Variants in ARHGAP29 observed in about 807,000 individuals in gnomAD.
ARHGAP29 encodes the protein Rho GTPase activating protein 29.
ARHGAP29 carries 43 observed loss-of-function variants against 122.6 expected under a neutral mutation model. The observed-to-expected ratio is 0.35, with a 90% CI of 0.27 to 0.45. The LOEUF (loss-of-function observed/expected upper bound fraction) is 0.45, where lower values mean the gene tolerates loss of function less well. Ranked by LOEUF, ARHGAP29 falls within the 20% of genes least tolerant of loss-of-function variation. The pLI, the probability that ARHGAP29 is intolerant of heterozygous loss-of-function variation, is 1.00. For missense variants in ARHGAP29, 1,303 were observed against 1,477.2 expected, an observed-to-expected ratio of 0.88 and a Z score of 1.93; for synonymous variants, 506 against 497.1, an observed-to-expected ratio of 1.02 and a Z score of -0.24.
At chr1:94,199,089 C>T (rs764919490) in intron 12 of ARHGAP29, among the ~76,000 whole-genome samples, 17 of 151,764 alleles carry the variant, frequency 1.1e-4, no homozygotes, top group African/African-American at 2.2e-4. Context: ...CGGGGCCTGT[C>T]GGGGGGCTGG....
chr1:94,310,351 C>T, the ARHGAP29 span, among the ~76,000 whole-genome samples: 4 of 152,338 alleles, frequency 2.6e-5, no homozygotes, highest in Admixed American at 2.6e-4. Context: ...ATGGGCACTC[C>T]ATGCCTACCC....
chr1:94,276,980 G>A (rs947697746), upstream of ARHGAP29, among the ~76,000 whole-genome samples: 11 of 152,046 alleles, frequency 7.2e-5, no homozygotes, highest in East Asian at 3.9e-4. Context: ...AAGCGTCTTC[G>A]TGCTATCCAG....
Position 94,231,523 on chromosome 1 carries a change from C to A in ARHGAP29, c.89G>T (p.Gly30Val). 3 of 1,613,700 alleles carry A rather than the reference C, an allele frequency of 1.9e-6. No individual in the cohort carries two copies. Among genetic ancestry groups the A allele is most frequent in the African/African-American group, 1.3e-5 (1 of 75,008 alleles). ...LSTDITTSEM[G>V]LKSLSSNSIF... is the part of the protein sequence containing the mutation. ...AGAGTTGGAACTTAAGGACTTGAGC[C>A]CCATTTCAGAAGTTGTAATATCAGT... Residue 30 changes from glycine to valine, a missense_variant, in exon 2 of 23, where the codon GGG becomes GTG. Gly to Val is a moderately radical substitution (Grantham distance 109). Transcript: ENST00000260526.
chr1:94,284,817 C>G, the ARHGAP29 span, among the ~76,000 whole-genome samples: 1 of 152,184 alleles, frequency 6.6e-6, no homozygotes, highest in South Asian at 2.1e-4. Flanking sequence ...TCTTTGATTT[C>G]TAAGCCTTGG....
the ARHGAP29 span, among the ~76,000 whole-genome samples, chr1:94,306,758 G>C: frequency 6.6e-6 from 1 of 152,168 alleles, no homozygotes; most frequent in Non-Finnish European, 1.5e-5. Flanking sequence ...AGAATGCTTA[G>C]TTCCAAAGAA....
the ARHGAP29 span, among the ~76,000 whole-genome samples, chr1:94,298,827 C>T: frequency 6.6e-6 from 1 of 152,078 alleles, no homozygotes. Context: ...TTTATGAAAA[C>T]AAAACATTAA....
intron 4 of ARHGAP29, 70 bp downstream of exon 4, chr1:94,209,184 C>T (rs1570543000): frequency 8.8e-7 from 1 of 1,137,436 alleles, no homozygotes; most frequent in East Asian, 2.4e-5. Context: ...ATGTATGTTA[C>T]TGGATAATGC....
intron 3 of ARHGAP29, among the ~76,000 whole-genome samples, chr1:94,217,899 T>A (rs1356386594): frequency 6.6e-6 from 1 of 151,818 alleles, no homozygotes; most frequent in African/African-American, 2.4e-5. Context: ...ATATAAAGGA[T>A]CTCCATACTC....
the ARHGAP29 span, among the ~76,000 whole-genome samples, chr1:94,311,784 G>A: frequency 6.6e-6 from 1 of 152,058 alleles, no homozygotes. Flanking sequence ...GACAGCTTCC[G>A]CATATGTACC....
chr1:94,295,261 A>C, the ARHGAP29 span, among the ~76,000 whole-genome samples: 19 of 152,176 alleles, frequency 1.2e-4, no homozygotes, highest in African/African-American at 4.6e-4. Context: ...GATTTTGCCA[A>C]GTGGGTATAT....
intron 12 of ARHGAP29, chr1:94,195,247 A>G (rs1219694844): frequency 1.3e-5 from 2 of 152,174 alleles, no homozygotes; most frequent in Non-Finnish European, 2.9e-5. Context: ...AACAAAGGGG[A>G]AAAAAACCAT....
the ARHGAP29 span, chr1:94,302,703 A>G: frequency 2.3e-6 from 1 of 425,880 alleles, no homozygotes; most frequent in South Asian, 1.7e-5. Flanking sequence ...CAGGAAGCTC[A>G]GTGGTGTGGC....
chr1:94,231,973 G>A (rs1277871217), intron 1 of ARHGAP29, among the ~76,000 whole-genome samples: 4 of 152,060 alleles, frequency 2.6e-5, no homozygotes, highest in Non-Finnish European at 4.4e-5. Flanking sequence ...ACTTAAACCT[G>A]TATCTGCCTT....
chr1:94,246,780 G>C (rs562721050), intron 1 of ARHGAP29, among the ~76,000 whole-genome samples: 2 of 152,154 alleles, frequency 1.3e-5, no homozygotes, highest in Non-Finnish European at 2.9e-5. Flanking sequence ...TGAAACAAAC[G>C]CACAGGGGTC....
At chr1:94,194,804 T>A (rs750462106) in intron 12 of ARHGAP29, 1 of 152,254 alleles carries the variant, frequency 6.6e-6, no homozygotes, top group Admixed American at 6.5e-5. Flanking sequence ...GAGGTTCTAA[T>A]GAGAATTTAC....
In ARHGAP29 at chr1:94,185,797, G is replaced by A. The variant is rs188779530; in HGVS notation, c.1781-316C>T. ...TTAATATGCTCTTTCATAGAGCTGG[G>A]AAGTGTGTTCATAGGTGGCATTAGA... On this transcript the variant is annotated intron_variant, in intron 16 of 22. Transcript: ENST00000260526. Among the ~76,000 whole-genome samples, 646 of 152,236 alleles carry A rather than the reference G, an allele frequency of 4.2e-3. 2 individuals are homozygous for A. The highest frequency in any genetic ancestry group is 7.3e-3 in the Admixed American group (112 of 15,304).
intron 1 of ARHGAP29, among the ~76,000 whole-genome samples, chr1:94,247,214 G>C (rs1381484143): frequency 6.6e-6 from 1 of 152,122 alleles, no homozygotes; most frequent in Admixed American, 6.5e-5. Flanking sequence ...AACCAATGGG[G>C]TAAGGGTAAA....
At chr1:94,188,071 G>A (rs1246311048) in intron 15 of ARHGAP29, among the ~76,000 whole-genome samples, 3 of 152,118 alleles carry the variant, frequency 2.0e-5, no homozygotes, top group African/African-American at 7.2e-5. Context: ...CAGAAAGAAT[G>A]GGCCTGAAGC....
chr1:94,266,319 A>T (rs1336811477), intron 1 of ARHGAP29, among the ~76,000 whole-genome samples: 1 of 152,192 alleles, frequency 6.6e-6, no homozygotes, highest in Non-Finnish European at 1.5e-5. Flanking sequence ...CCTGATTACA[A>T]AAAGACTAGA....
Sources: allele counts gnomAD v4.1 joint callset (sites outside exome capture counted in the v4.1 genomes callset), GRCh38; gene constraint gnomAD v4.1.1; transcripts MANE v1.5; gene names NCBI Gene and HGNC (gene_info 2026-07-23, HGNC 2026-07-21).